Variants in STXBP5L observed in about 807,000 individuals in gnomAD.
STXBP5L encodes syntaxin binding protein 5L, also known as syntaxin-binding protein 5-like.
A neutral mutation model predicts 144.5 loss-of-function variants in STXBP5L; 65 were observed. The ratio of observed to expected loss-of-function variants is 0.45; its 90% CI spans 0.37 to 0.55. STXBP5L has a LOEUF of 0.55. Ranked by LOEUF, STXBP5L falls within the 20% of genes least tolerant of loss-of-function variation. The pLI is 0.00. For synonymous variants in STXBP5L, 505 were observed against 469.6 expected (o/e 1.08, Z -0.97); for missense variants, 1,298 against 1,405.5 (o/e 0.92, Z 1.22).
At chr3:121,253,635 A>G (rs952769608) in intron 15 of STXBP5L, among the ~76,000 whole-genome samples, 1 of 147,932 alleles carries the variant, frequency 6.8e-6, no homozygotes, top group South Asian at 2.1e-4. Flanking sequence ...AAATATATAT[A>G]CTTTTTTTTT....
chr3:121,166,334 T>C (rs1373165466), intron 9 of STXBP5L, among the ~76,000 whole-genome samples: 1 of 152,194 alleles, frequency 6.6e-6, no homozygotes, highest in African/African-American at 2.4e-5. Context: ...TGTTTGTTTC[T>C]GTCTCCTTGC....
At chr3:120,996,746 A>G (rs1224570949) in intron 3 of STXBP5L, among the ~76,000 whole-genome samples, 1 of 152,016 alleles carries the variant, frequency 6.6e-6, no homozygotes, top group African/African-American at 2.4e-5. Flanking sequence ...ACTTATCTTA[A>G]TATCCTCCAC....
In STXBP5L at chr3:121,384,583, A is replaced by G. The variant is rs145109515; in HGVS notation, c.2587+3051A>G. Among the ~76,000 whole-genome samples, 6 of 152,186 alleles carry G rather than the reference A, an allele frequency of 3.9e-5. No homozygotes were observed. In the East Asian group the frequency reaches 1.2e-3, roughly 29 times the overall value. The stretch of plus-strand genomic sequence containing the variant: ...AAGAGAGGACATGGCATAGCTGGAG[A>G]CTGTAGATAGAATGATACTAAATGA... On this transcript the variant is annotated intron_variant, in intron 22 of 26. Coordinates refer to ENST00000471454, the MANE Select transcript of STXBP5L (RefSeq NM_001308330.2).
At chr3:121,394,708 C>T (rs1187435767) in intron 22 of STXBP5L, among the ~76,000 whole-genome samples, 1 of 150,204 alleles carries the variant, frequency 6.7e-6, no homozygotes, top group Non-Finnish European at 1.5e-5. Context: ...GGGTTCAGGC[C>T]ATTCTCCTGC....
chr3:121,167,893 C>A (rs897156837), intron 9 of STXBP5L, among the ~76,000 whole-genome samples: 2 of 152,194 alleles, frequency 1.3e-5, no homozygotes, highest in African/African-American at 2.4e-5. Context: ...CTTGGAGACA[C>A]CTCCCAGCAG....
At chr3:121,289,806 G>T (rs1298370668) in intron 19 of STXBP5L, among the ~76,000 whole-genome samples, 2 of 152,172 alleles carry the variant, frequency 1.3e-5, no homozygotes, top group African/African-American at 4.8e-5. Flanking sequence ...GCCCCTGAAT[G>T]ATAGTTGGGT....
At chr3:121,143,304 A>AC (rs1416969306) in intron 7 of STXBP5L, among the ~76,000 whole-genome samples, 7 of 151,448 alleles carry the variant, frequency 4.6e-5, no homozygotes, top group Non-Finnish European at 8.9e-5. Flanking sequence ...AAAAAAAAAA[A>AC]AACAACTTGA....
At position 121,009,473 on chromosome 3, in the gene STXBP5L, G is replaced by A. The variant is rs538906460; in HGVS notation, c.288-32227G>A. On this transcript the variant is annotated intron_variant, in intron 3 of 26. Coordinates refer to ENST00000471454, the MANE Select transcript of STXBP5L (RefSeq NM_001308330.2). ...TGCTTGGATCCTTGCTCAGTGGGAG[G>A]AATTCCCTTCACCACTGTTTTAACA... Among the ~76,000 whole-genome samples the A allele has an allele frequency of 2.6e-5, 4 of 152,030 alleles. No individual in the cohort carries two copies. The East Asian group carries it at 7.7e-4, about 29-fold the overall frequency.
chr3:121,302,399 T>C (rs917658709), intron 19 of STXBP5L, among the ~76,000 whole-genome samples: 2 of 152,214 alleles, frequency 1.3e-5, no homozygotes, highest in African/African-American at 4.8e-5. Flanking sequence ...ATCCCCTTTA[T>C]CATTTTTTAT....
chr3:121,157,885 G>A (rs2046178125), intron 9 of STXBP5L: 2 of 381,646 alleles, frequency 5.2e-6, no homozygotes, highest in South Asian at 6.4e-5. Context: ...GATAATGGAT[G>A]GTTGATATAT....
intron 15 of STXBP5L, among the ~76,000 whole-genome samples, chr3:121,253,797 ATTTTTTTTTTTTC>A (rs1484398431): frequency 1.3e-4 from 16 of 120,644 alleles, no homozygotes; most frequent in Admixed American, 1.9e-4. Context: ...CGCCCCGCTA[ATTTTTTTTTTTTC>A]TTTTTTTTTT....
chr3:121,040,056 G>A (rs982460465), intron 3 of STXBP5L, among the ~76,000 whole-genome samples: 3 of 148,426 alleles, frequency 2.0e-5, no homozygotes, highest in Non-Finnish European at 4.5e-5. Context: ...TATAATAAAT[G>A]TTTTACTATC....
At chr3:121,346,983 T>G (rs571280976) in intron 20 of STXBP5L, among the ~76,000 whole-genome samples, 1 of 152,238 alleles carries the variant, frequency 6.6e-6, no homozygotes, top group Non-Finnish European at 1.5e-5. Flanking sequence ...AATTTTGGCT[T>G]CTGTTGCCAT....
chr3:121,414,097 T>A (rs527257277), intron 24 of STXBP5L, among the ~76,000 whole-genome samples: 3 of 152,238 alleles, frequency 2.0e-5, no homozygotes, highest in South Asian at 2.1e-4. Flanking sequence ...TATGTTTTTT[T>A]AAATAAATAA....
chr3:121,070,269 T>G (rs895712075), intron 5 of STXBP5L, among the ~76,000 whole-genome samples: 1 of 152,206 alleles, frequency 6.6e-6, no homozygotes, highest in African/African-American at 2.4e-5. Context: ...TCTTACATCT[T>G]GAGAGAAACA....
chr3:120,966,799 A>G lies in STXBP5L; in HGVS notation c.287+11762A>G, dbSNP rs536322520. Among the ~76,000 whole-genome samples the G allele has an allele frequency of 3.8e-4, 58 of 152,220 alleles. 1 individual carries two copies. The highest frequency in any genetic ancestry group is 3.4e-3 in the Admixed American group (52 of 15,284). ...CAGTGTGTCCGTTCTCAGAGCTCAA[A>G]TGCTGTGCTGGGAGAATCACTGCTC... On this transcript the variant is annotated intron_variant, in intron 3 of 26. Coordinates refer to ENST00000471454, the MANE Select transcript of STXBP5L (RefSeq NM_001308330.2).
intron 2 of STXBP5L, among the ~76,000 whole-genome samples, chr3:120,920,827 T>C (rs1709326514): frequency 6.6e-6 from 1 of 151,954 alleles, no homozygotes; most frequent in Admixed American, 6.6e-5. Context: ...TTCATTCTTT[T>C]TTATGACTGA....
Position 121,413,151 on chromosome 3 carries a change from C to T in STXBP5L, c.2949-7C>T. 6.4e-7 allele frequency: 1 copy of T among 1,559,920 alleles called. No homozygotes were observed. Among genetic ancestry groups the T allele is most frequent in the Non-Finnish European group, 8.6e-7 (1 of 1,157,244 alleles). ...TATGATATATGGATTTACTTTTTTC[C>T]ATTCAGCCTACCTAGTCTTCGCCCA... On this transcript the variant is annotated splice_polypyrimidine_tract_variant and splice_region_variant and intron_variant, in intron 23 of 26. Coordinates refer to ENST00000471454, the MANE Select transcript of STXBP5L (RefSeq NM_001308330.2).
intron 2 of STXBP5L, among the ~76,000 whole-genome samples, chr3:120,930,150 T>C (rs1709848579): frequency 6.9e-6 from 1 of 145,832 alleles, no homozygotes; most frequent in South Asian, 2.2e-4. Context: ...AGTTTGAATA[T>C]TCATTTCTAT....
Sources: gnomAD v4.1 joint callset for allele counts (sites outside exome capture counted in the v4.1 genomes callset) on GRCh38, gnomAD v4.1.1 for gene constraint, MANE v1.5 for transcripts, NCBI Gene and HGNC (gene_info 2026-07-23, HGNC 2026-07-21) for gene names.